The following ANTXR1 variants were observed in gnomAD, a reference collection of about 807,000 sequenced individuals.
ANTXR1 encodes anthrax toxin receptor 1.
ANTXR1 carries 19 observed loss-of-function variants against 78.1 expected under a neutral mutation model. The ratio of observed to expected loss-of-function variants is 0.24; its 90% CI spans 0.17 to 0.36. The LOEUF is 0.36. Ranked by LOEUF, ANTXR1 falls within the 10% of genes least tolerant of loss-of-function variation. The pLI is 1.00. For missense variants in ANTXR1, 518 were observed against 718.6 expected (o/e 0.72, Z 3.19); for synonymous variants, 273 against 260.5 (o/e 1.05, Z -0.46).
Position 69,193,419 on chromosome 2 carries a change from G to A in ANTXR1, c.1434+4G>A, listed in dbSNP as rs534869222. On this transcript the variant is annotated splice_donor_region_variant and intron_variant, in intron 17 of 17. Transcript: ENST00000303714. ...GCGTCCACAGCCAGGAGACACGGTA[G>A]GACTCGTTAATTCATTAATGGTGTC... is the stretch of plus-strand genomic sequence containing the variant. The A allele has an allele frequency of 6.2e-7, 1 of 1,604,812 alleles. No individual in the cohort carries two copies. The highest frequency in any genetic ancestry group is 1.4e-5 in the African/African-American group (1 of 73,992).
chr2:69,178,639 G>T (rs1406557958), intron 14 of ANTXR1, among the ~76,000 whole-genome samples: 1 of 152,190 alleles, frequency 6.6e-6, no homozygotes, highest in African/African-American at 2.4e-5. Context: ...CCTGGAAAGC[G>T]GGGAAACCGG....
rs1467836790 is a variant in ANTXR1 at position 69,248,687 on chromosome 2, A to G, written c.*3202A>G. On this transcript the variant is annotated 3_prime_UTR_variant, in exon 18 of 18. Transcript: ENST00000303714. ...TCACATACACTAAAGTCCAAACACTATGTCAGATGGGGGTAAAATCCATTA... is the reference window on the plus strand; with the variant it reads ...TCACATACACTAAAGTCCAAACACTGTGTCAGATGGGGGTAAAATCCATTA... 6.6e-6 allele frequency: 1 copy of G among 152,242 alleles called. No homozygotes were observed. The highest frequency in any genetic ancestry group is 2.4e-5 in the African/African-American group (1 of 41,458). The allele number at this position is 152,242 out of a possible 1,614,324, so 9.4% of individuals were successfully genotyped here. A position where few individuals can be genotyped will look rare whatever the true frequency, so the allele number is the denominator to read the frequency against.
At chr2:69,117,846 T>G (rs529960361) in intron 10 of ANTXR1, among the ~76,000 whole-genome samples, 12 of 152,250 alleles carry the variant, frequency 7.9e-5, no homozygotes, top group South Asian at 6.2e-4. Context: ...GGGCTCAGAT[T>G]TGAGTCGGTG....
chr2:69,077,217 T>G lies in ANTXR1; in HGVS notation c.562-191T>G. ...AAGCTGGAGCCAACCCTTGGCCTGC[T>G]CCAGAGAGGCCACTGGTGAGCTTGT... On this transcript the variant is annotated intron_variant, in intron 7 of 17. Transcript: ENST00000303714. 12 of 631,744 alleles carry G rather than the reference T, an allele frequency of 1.9e-5. No homozygotes were observed. The South Asian group carries it at 2.2e-4, about 12-fold the overall frequency. 39.1% of individuals were successfully genotyped at this position (631,744 alleles called of 1,614,324 possible).
At chr2:69,186,382 C>T (rs190799307) in intron 16 of ANTXR1, among the ~76,000 whole-genome samples, 8 of 152,360 alleles carry the variant, frequency 5.3e-5, no homozygotes, top group Admixed American at 6.5e-5. Flanking sequence ...CAATGAGTCC[C>T]GTGCTAGCCA....
At chr2:69,090,692 A>G in intron 8 of ANTXR1, 167 bp from the exon 9 acceptor site, 1 of 662,396 alleles carries the variant, frequency 1.5e-6, no homozygotes. Flanking sequence ...GGCTTAATAA[A>G]TGTTTGGTAT....
In ANTXR1 at chr2:69,247,271, AG is replaced by A. The variant is rs1454905696; in HGVS notation, c.*1787del. 1.3e-5 allele frequency: 2 copies of A among 152,848 alleles called. No individual in the cohort carries two copies. Among genetic ancestry groups the A allele is most frequent in the Non-Finnish European group, 2.9e-5 (2 of 68,108 alleles). The allele number at this position is 152,848 out of a possible 1,614,324, so 9.5% of individuals were successfully genotyped here. A position where few individuals can be genotyped will look rare whatever the true frequency, so the allele number is the denominator to read the frequency against. ...ATCTTAGAAAGCAAAAACAAACAGG[AG>A]TTTCCAGGGAGAATGGGAAAGCCAG... On this transcript the variant is annotated 3_prime_UTR_variant, in exon 18 of 18. Transcript: ENST00000303714.
intron 3 of ANTXR1, among the ~76,000 whole-genome samples, chr2:69,054,908 G>C (rs1403360481): frequency 6.6e-6 from 1 of 152,082 alleles, no homozygotes; most frequent in East Asian, 1.9e-4. Flanking sequence ...GAGGGAGTGG[G>C]GCATTTGTTT....
At chr2:69,019,880 A>C (rs1209561508) in intron 1 of ANTXR1, among the ~76,000 whole-genome samples, 2 of 152,220 alleles carry the variant, frequency 1.3e-5, no homozygotes, top group African/African-American at 2.4e-5. Context: ...AACAGCCTCC[A>C]GCTCCACCCA....
At chr2:69,049,211 C>A (rs1336715160) in intron 3 of ANTXR1, among the ~76,000 whole-genome samples, 1 of 152,034 alleles carries the variant, frequency 6.6e-6, no homozygotes, top group Non-Finnish European at 1.5e-5. Flanking sequence ...ATGCATGCAG[C>A]CCCCATCCCC....
intron 12 of ANTXR1, among the ~76,000 whole-genome samples, chr2:69,142,360 A>G (rs1673092996): frequency 6.6e-6 from 1 of 152,244 alleles, no homozygotes; most frequent in Admixed American, 6.5e-5. Context: ...ACACTGTACT[A>G]TGTCTCACAG....
intron 3 of ANTXR1, among the ~76,000 whole-genome samples, chr2:69,062,246 C>A (rs1417537172): frequency 6.6e-6 from 1 of 152,128 alleles, no homozygotes; most frequent in Non-Finnish European, 1.5e-5. Flanking sequence ...CTAAGTTATC[C>A]CCCCTCACCC....
chr2:69,029,102 G>A (rs561911221), intron 1 of ANTXR1, among the ~76,000 whole-genome samples: 84 of 151,340 alleles, frequency 5.6e-4, no homozygotes, highest in African/African-American at 1.8e-3. Flanking sequence ...GGTGGCGCGT[G>A]CCTGCTGTCC....
intron 13 of ANTXR1, among the ~76,000 whole-genome samples, chr2:69,166,071 G>A (rs1486550494): frequency 6.6e-6 from 1 of 152,128 alleles, no homozygotes; most frequent in Non-Finnish European, 1.5e-5. Flanking sequence ...TACTCTATTC[G>A]TACTATGCTG....
intron 12 of ANTXR1, among the ~76,000 whole-genome samples, chr2:69,134,165 G>C (rs1672842097): frequency 6.6e-6 from 1 of 152,148 alleles, no homozygotes; most frequent in African/African-American, 2.4e-5. Context: ...CGAATATTGT[G>C]TTCAGTACCA....
chr2:69,047,598 T>C (rs1195216269), intron 3 of ANTXR1, among the ~76,000 whole-genome samples: 1 of 152,016 alleles, frequency 6.6e-6, no homozygotes, highest in Non-Finnish European at 1.5e-5. Flanking sequence ...ATCTATAAAC[T>C]TGTCTGTCAC....
At chr2:69,142,260 C>G (rs1054554376) in intron 12 of ANTXR1, among the ~76,000 whole-genome samples, 1 of 152,228 alleles carries the variant, frequency 6.6e-6, no homozygotes, top group African/African-American at 2.4e-5. Flanking sequence ...CTGCTACCCA[C>G]TAACTATAGG....
chr2:69,083,387 C>T (rs72827632), intron 8 of ANTXR1, among the ~76,000 whole-genome samples: 1,886 of 152,276 alleles, frequency 0.012, 22 homozygotes, highest in Middle Eastern at 0.027. Context: ...TCCCTTCCTT[C>T]GCCCCATCTG....
rs749145812 is a variant in ANTXR1 at position 69,040,044 on chromosome 2, A to G, written c.153A>G (p.Lys51=). 2 of 1,613,248 alleles carry G rather than the reference A, an allele frequency of 1.2e-6. No homozygotes were observed. Among genetic ancestry groups the G allele is most frequent in the South Asian group, 2.2e-5 (2 of 91,066 alleles). The change falls in exon 2 of 18, where the codon AAA becomes AAG. Residue 51 remains lysine, a splice_region_variant and synonymous_variant. Coordinates refer to ENST00000303714, the MANE Select transcript of ANTXR1 (RefSeq NM_032208.3). ...GCAACACCTGCTTTTGTTTTCCTAG[A>G]TCAGGAAGTGTGCTGCACCACTGGA... ...GGFDLYFILD[K]SGSVLHHWNE...
Sources: gnomAD v4.1 joint callset for allele counts (sites outside exome capture counted in the v4.1 genomes callset) on GRCh38, gnomAD v4.1.1 for gene constraint, MANE v1.5 for transcripts, NCBI Gene and HGNC (gene_info 2026-07-23, HGNC 2026-07-21) for gene names.